The following ANKS6 variants were observed in gnomAD, a reference collection of about 807,000 sequenced individuals.
ANKS6 encodes the protein ankyrin repeat and sterile alpha motif domain containing 6.
ANKS6 carries 47 observed loss-of-function variants against 77.9 expected under a neutral mutation model. The observed-to-expected ratio is 0.60, with a 90% CI of 0.48 to 0.77. The LOEUF is 0.77. Among genes scored for constraint, ANKS6 ranks in the 30% least tolerant of loss-of-function variants. The pLI is 0.00. For missense variants in ANKS6, 1,150 were observed against 1,159.1 expected, an observed-to-expected ratio of 0.99 and a Z score of 0.11; for synonymous variants, 488 against 501.7, an observed-to-expected ratio of 0.97 and a Z score of 0.37.
intron 2 of ANKS6, 163 bp downstream of exon 2, chr9:98,789,941 G>T: frequency 9.2e-7 from 1 of 1,091,168 alleles, no homozygotes; most frequent in Non-Finnish European, 1.3e-6. Flanking sequence ...GCATGTCACA[G>T]GCAATCCCCC....
At chr9:98,774,308 G>C (rs569658030) in intron 8 of ANKS6, among the ~76,000 whole-genome samples, 2 of 152,322 alleles carry the variant, frequency 1.3e-5, no homozygotes, top group Admixed American at 6.5e-5. Context: ...ACAGCAGCAA[G>C]ATCAGAATGG....
At chr9:98,781,566 G>C (rs747919365) in intron 5 of ANKS6, among the ~76,000 whole-genome samples, 4 of 152,158 alleles carry the variant, frequency 2.6e-5, no homozygotes, top group Non-Finnish European at 4.4e-5. Flanking sequence ...CTCTTCAAGA[G>C]GATGTGAACC....
At chr9:98,773,777 C>T (rs935325265) in intron 9 of ANKS6, 100 bp downstream of exon 9, 4 of 1,150,412 alleles carry the variant, frequency 3.5e-6, no homozygotes, top group Non-Finnish European at 4.6e-6. Flanking sequence ...AAAGTTGCAA[C>T]CCCTCTGGAT....
chr9:98,753,173 T>C (rs1832520041), intron 12 of ANKS6, among the ~76,000 whole-genome samples: 1 of 152,154 alleles, frequency 6.6e-6, no homozygotes, highest in Admixed American at 6.5e-5. Context: ...TCTTATAAAT[T>C]CCATATAGCC....
Position 98,736,486 on chromosome 9 carries a change from G to A in ANKS6, c.*33C>T. On this transcript the variant is annotated 3_prime_UTR_variant, in exon 15 of 15. Transcript: ENST00000353234. ...CCACGTGAAGGGGTCCCGGGATTCA[G>A]AGAGCTCACGCTGGTGGCTGCGGGA... 1 of 1,579,472 alleles carries A rather than the reference G, an allele frequency of 6.3e-7. No homozygotes were observed. The highest frequency in any genetic ancestry group is 1.2e-5 in the South Asian group (1 of 85,384).
intron 11 of ANKS6, among the ~76,000 whole-genome samples, chr9:98,758,860 C>T (rs1191322858): frequency 6.6e-6 from 1 of 152,072 alleles, no homozygotes; most frequent in Non-Finnish European, 1.5e-5. Context: ...AATTGTTAGC[C>T]CATATCCTGG....
At chr9:98,781,142 G>A (rs754394675) in intron 5 of ANKS6, among the ~76,000 whole-genome samples, 54 of 152,202 alleles carry the variant, frequency 3.5e-4, no homozygotes, top group African/African-American at 1.3e-3. Flanking sequence ...TCAAGTGATC[G>A]ACCCACCTCA....
intron 14 of ANKS6, among the ~76,000 whole-genome samples, chr9:98,737,498 A>T (rs893593629): frequency 2.0e-5 from 3 of 152,224 alleles, no homozygotes; most frequent in Admixed American, 6.5e-5. Context: ...AAATAAAAAA[A>T]AAAAATACTT....
intron 11 of ANKS6, among the ~76,000 whole-genome samples, chr9:98,766,264 C>T (rs937958922): frequency 3.9e-5 from 6 of 152,128 alleles, no homozygotes; most frequent in Admixed American, 1.3e-4. Context: ...ATGATCAATA[C>T]ATCAAAATAA....
Position 98,778,265 on chromosome 9 carries a change from A to G in ANKS6, c.1528T>C (p.Ser510Pro), listed in dbSNP as rs201126816. The G allele has an allele frequency of 9.7e-5, 156 of 1,614,118 alleles. No homozygotes were observed. Among genetic ancestry groups the G allele is most frequent in the Admixed American group, 4.2e-4 (25 of 60,024 alleles). The change falls in exon 7 of 15, where the codon TCT (serine) becomes CCT (proline). Residue 510 changes from serine to proline, a missense_variant. Physicochemically the swap from Ser to Pro is moderately conservative, Grantham distance 74. Coordinates refer to ENST00000353234, the MANE Select transcript of ANKS6 (RefSeq NM_173551.5). ...RAAPQDKTSR[S>P]ALPDAAPVTK... is the part of the protein sequence containing the mutation. ...ACAGGGGCCGCATCAGGGAGTGCAG[A>G]GCGGCTTGTCTTGTCCTGGGGGGCA...
intron 14 of ANKS6, among the ~76,000 whole-genome samples, chr9:98,736,935 C>T (rs996827629): frequency 2.8e-4 from 42 of 152,160 alleles, no homozygotes; most frequent in African/African-American, 7.7e-4. Context: ...GGCCCGGATT[C>T]GAGGTCTCCT....
At chr9:98,775,951 C>T (rs955740032) in intron 8 of ANKS6, among the ~76,000 whole-genome samples, 5 of 152,198 alleles carry the variant, frequency 3.3e-5, no homozygotes, top group East Asian at 1.9e-4. Flanking sequence ...CAGGACCCCT[C>T]GCTGGGCTCT....
chr9:98,732,429 C>A lies in ANKS6; in HGVS notation c.*4090G>T, dbSNP rs1831250235. 1.4e-6 allele frequency: 2 copies of A among 1,479,916 alleles called. No homozygotes were observed. The highest frequency in any genetic ancestry group is 9.2e-7 in the Non-Finnish European group (1 of 1,085,806). 91.7% of individuals were successfully genotyped at this position (1,479,916 alleles called of 1,614,324 possible). A position where few individuals can be genotyped will look rare whatever the true frequency, so the allele number is the denominator to read the frequency against. ...TGACAGCAAGACCCAGAGTCAGGCA[C>A]ATTTGGAGGGCAGGTCCATCGGCCA... On this transcript the variant is annotated 3_prime_UTR_variant, in exon 15 of 15. Transcript: ENST00000353234.
At chr9:98,786,040 G>A (rs1284406364) in intron 2 of ANKS6, among the ~76,000 whole-genome samples, 7 of 152,156 alleles carry the variant, frequency 4.6e-5, no homozygotes, top group Non-Finnish European at 7.3e-5. Context: ...GTGCAGTGGC[G>A]TGATCTTGGC....
rs796556899 is a variant in ANKS6 at position 98,790,488 on chromosome 9, C to T, written c.478G>A (p.Val160Met). Residue 160 changes from valine to methionine, a missense_variant, in exon 2 of 15, where the codon GTG becomes ATG. Physicochemically the swap from Val to Met is conservative, Grantham distance 21. Coordinates refer to ENST00000353234, the MANE Select transcript of ANKS6 (RefSeq NM_173551.5). ...VASRGGHLGV[V>M]KLLLEAGAFV... Reference sequence around the variant, plus strand: ...GCACCGGCTTCCAGGAGCAGCTTCACCACACCCAGGTGGCCGCCCCGAGAA... The same window carrying T: ...GCACCGGCTTCCAGGAGCAGCTTCATCACACCCAGGTGGCCGCCCCGAGAA... 1.3e-5 allele frequency: 21 copies of T among 1,613,426 alleles called. No individual in the cohort carries two copies. The highest frequency in any genetic ancestry group is 1.5e-5 in the Non-Finnish European group (18 of 1,179,996).
At chr9:98,747,375 T>C (rs1832195405) in intron 13 of ANKS6, among the ~76,000 whole-genome samples, 1 of 151,942 alleles carries the variant, frequency 6.6e-6, no homozygotes, top group African/African-American at 2.4e-5. Flanking sequence ...CATTTTACTT[T>C]TCTGGATTAA....
intron 14 of ANKS6, among the ~76,000 whole-genome samples, chr9:98,737,768 G>A (rs1048894500): frequency 6.6e-5 from 10 of 152,260 alleles, no homozygotes; most frequent in Admixed American, 3.3e-4. Context: ...AAGAGCCCGC[G>A]TAGCCAAAGC....
intron 4 of ANKS6, among the ~76,000 whole-genome samples, chr9:98,782,946 G>C (rs1834355890): frequency 6.6e-6 from 1 of 152,144 alleles, no homozygotes; most frequent in Non-Finnish European, 1.5e-5. Flanking sequence ...AATTAGCTAG[G>C]TGTGGTGGTG....
intron 1 of ANKS6, among the ~76,000 whole-genome samples, chr9:98,795,509 G>A (rs1048198348): frequency 6.6e-6 from 1 of 151,954 alleles, no homozygotes; most frequent in African/African-American, 2.4e-5. Flanking sequence ...TACATTCTAC[G>A]CATACCTCAT....
Sources: allele counts gnomAD v4.1 joint callset (sites outside exome capture counted in the v4.1 genomes callset), GRCh38; gene constraint gnomAD v4.1.1; transcripts MANE v1.5; gene names NCBI Gene and HGNC (gene_info 2026-07-23, HGNC 2026-07-21).